Variants in DEGS2 observed in about 807,000 individuals in gnomAD.
DEGS2 encodes the protein sphingolipid delta(4)-desaturase/C4-monooxygenase DES2.
In DEGS2, 19 loss-of-function variants were observed where a neutral mutation model predicts 23.8. The observed-to-expected ratio is 0.80, with a 90% CI of 0.56 to 1.17. The LOEUF (loss-of-function observed/expected upper bound fraction) is 1.17, where lower values mean the gene tolerates loss of function less well. DEGS2 is among the 50% of genes most tolerant of loss of function. The pLI is 0.00. For missense variants in DEGS2, 390 were observed against 459.5 expected (o/e 0.85, Z 1.38); for synonymous variants, 218 against 213.7 (o/e 1.02, Z -0.18).
rs1889396944 is a variant in DEGS2, at chr14:100,144,484, C to T, written c.*2277G>A. On this transcript the variant is annotated 3_prime_UTR_variant, in exon 3 of 3. Coordinates refer to ENST00000305631, the MANE Select transcript of DEGS2 (RefSeq NM_206918.3). ...AGGAAGATGGTCCCTCAAGTGCAAC[C>T]CACACCCCCGAACCTCAGAGGACTC... is the stretch of plus-strand genomic sequence containing the variant. 6.6e-6 allele frequency: 1 copy of T among 152,390 alleles called. No homozygotes were observed. Among genetic ancestry groups the T allele is most frequent in the African/African-American group, 2.4e-5 (1 of 41,474 alleles). The allele number at this position is 152,390 out of a possible 1,614,324, so 9.4% of individuals were successfully genotyped here. A position where few individuals can be genotyped will look rare whatever the true frequency, so the allele number is the denominator to read the frequency against.
rs376613523 is a variant in DEGS2, at chr14:100,149,495, C to G, written c.298G>C (p.Gly100Arg). The G allele has an allele frequency of 6.3e-7, 1 of 1,599,562 alleles. No homozygotes were observed. Among genetic ancestry groups the G allele is most frequent in the Non-Finnish European group, 8.5e-7 (1 of 1,174,504 alleles). The change falls in exon 2 of 3, where the codon GGC becomes CGC. Residue 100 changes from glycine to arginine, a missense_variant. By Grantham distance (125) the Gly-to-Arg change is moderately radical. Transcript: ENST00000305631. Reference protein sequence around the residue: ...DISHNAAFGTGRAARNRWLAV... With the variant: ...DISHNAAFGTRRAARNRWLAV... Reference sequence around the variant, plus strand: ...AGCCAGCGGTTGCGTGCCGCACGGCCCGTGCCGAAGGCCGCGTTGTGCGAG... The same window carrying G: ...AGCCAGCGGTTGCGTGCCGCACGGCGCGTGCCGAAGGCCGCGTTGTGCGAG...
chr14:100,156,164 C>T (rs1467472904), intron 1 of DEGS2, among the ~76,000 whole-genome samples: 1 of 152,252 alleles, frequency 6.6e-6, no homozygotes, highest in East Asian at 1.9e-4. Context: ...CCTGGGCACC[C>T]AGGAGCTTGG....
chr14:100,162,718 C>T (rs975015860), upstream of DEGS2, among the ~76,000 whole-genome samples: 19 of 152,224 alleles, frequency 1.2e-4, no homozygotes, highest in Admixed American at 7.2e-4. Context: ...CCTCCCTCCA[C>T]ACCCCCATTT....
chr14:100,155,779 T>C (rs1001688997), intron 1 of DEGS2: 2 of 152,192 alleles, frequency 1.3e-5, no homozygotes, highest in Non-Finnish European at 2.9e-5. Context: ...CCTCTTTTGT[T>C]TTTCTTTATT....
upstream of DEGS2, among the ~76,000 whole-genome samples, chr14:100,164,633 G>A (rs1005263894): frequency 3.9e-5 from 6 of 152,070 alleles, no homozygotes; most frequent in African/African-American, 7.2e-5. Context: ...GCGAAACTCC[G>A]TCTCAAAAAC....
At chr14:100,162,090 G>A (rs1889755572), upstream of DEGS2, among the ~76,000 whole-genome samples, 1 of 151,728 alleles carries the variant, frequency 6.6e-6, no homozygotes, top group Non-Finnish European at 1.5e-5. Context: ...GCTCACACCT[G>A]TAATCCCAGC....
At chr14:100,157,314 G>A (rs1889673618) in intron 1 of DEGS2, among the ~76,000 whole-genome samples, 1 of 152,244 alleles carries the variant, frequency 6.6e-6, no homozygotes, top group Non-Finnish European at 1.5e-5. Flanking sequence ...CCAGGACACT[G>A]GCTGCCATGT....
rs757428393 is a variant in DEGS2 at position 100,148,959 on chromosome 14, G to A, written c.825+9C>T. On this transcript the variant is annotated intron_variant, in intron 2 of 2. Coordinates refer to ENST00000305631, the MANE Select transcript of DEGS2 (RefSeq NM_206918.3). ...GCCCCGCCGCAGCCCTGCCAGCCCA[G>A]CCACATACCAGCGGCAGGTTGTAGC... 23 of 1,610,044 alleles carry A rather than the reference G, an allele frequency of 1.4e-5. No individual in the cohort carries two copies. Among genetic ancestry groups the A allele is most frequent in the Non-Finnish European group, 1.9e-5 (22 of 1,178,190 alleles).
rs1312924231 is a variant in DEGS2 at position 100,146,416 on chromosome 14, G to A, written c.*345C>T. 2 of 255,526 alleles carry A rather than the reference G, an allele frequency of 7.8e-6. No homozygotes were observed. Among genetic ancestry groups the A allele is most frequent in the Non-Finnish European group, 1.5e-5 (2 of 133,110 alleles). 15.8% of individuals were successfully genotyped at this position (255,526 alleles called of 1,614,324 possible). A position where few individuals can be genotyped will look rare whatever the true frequency, so the allele number is the denominator to read the frequency against. ...CACCCCCTCAGAAGCACAATCCATG[G>A]GCTGTGAAACAAACGCCGGGTTTAA... On this transcript the variant is annotated 3_prime_UTR_variant, in exon 3 of 3. Coordinates refer to ENST00000305631, the MANE Select transcript of DEGS2 (RefSeq NM_206918.3).
rs760079414 is a variant in DEGS2, at chr14:100,146,178, G to A, written c.*583C>T. On this transcript the variant is annotated 3_prime_UTR_variant, in exon 3 of 3. Coordinates refer to ENST00000305631, the MANE Select transcript of DEGS2 (RefSeq NM_206918.3). ...ATTTGGAGCCACACAGATGACCAAA[G>A]TGAGCTTTCTGCTGTCCACACCTCA... 1 of 152,446 alleles carries A rather than the reference G, an allele frequency of 6.6e-6. No individual in the cohort carries two copies. Among genetic ancestry groups the A allele is most frequent in the Non-Finnish European group, 1.5e-5 (1 of 68,188 alleles). The allele number at this position is 152,446 out of a possible 1,614,324, so 9.4% of individuals were successfully genotyped here.
chr14:100,156,922 G>A (rs1889667399), intron 1 of DEGS2, among the ~76,000 whole-genome samples: 1 of 152,218 alleles, frequency 6.6e-6, no homozygotes, highest in African/African-American at 2.4e-5. Context: ...CTTCCGCCCT[G>A]CAGGAAAGGG....
intron 1 of DEGS2, among the ~76,000 whole-genome samples, chr14:100,157,041 C>G (rs1889669189): frequency 6.6e-6 from 1 of 152,222 alleles, no homozygotes; most frequent in Admixed American, 6.5e-5. Context: ...CCACCACCTC[C>G]AGAAAGCCTC....
intron 1 of DEGS2, among the ~76,000 whole-genome samples, chr14:100,158,784 G>A (rs1211430531): frequency 6.6e-6 from 1 of 152,140 alleles, no homozygotes; most frequent in Non-Finnish European, 1.5e-5. Flanking sequence ...GTAAGCCCGG[G>A]CCAAGGACGA....
chr14:100,146,430 C>T lies in DEGS2; in HGVS notation c.*331G>A, dbSNP rs965021056. 7.2e-6 allele frequency: 2 copies of T among 278,536 alleles called. No individual in the cohort carries two copies. The highest frequency in any genetic ancestry group is 9.2e-5 in the East Asian group (1 of 10,894). 17.3% of individuals were successfully genotyped at this position (278,536 alleles called of 1,614,324 possible). The stretch of plus-strand genomic sequence containing the variant: ...CACAATCCATGGGCTGTGAAACAAA[C>T]GCCGGGTTTAATGTAGGGCACAGGC... On this transcript the variant is annotated 3_prime_UTR_variant, in exon 3 of 3. Coordinates refer to ENST00000305631, the MANE Select transcript of DEGS2 (RefSeq NM_206918.3).
At chr14:100,156,974 T>C (rs988384651) in intron 1 of DEGS2, among the ~76,000 whole-genome samples, 1 of 152,158 alleles carries the variant, frequency 6.6e-6, no homozygotes, top group Non-Finnish European at 1.5e-5. Context: ...GGACTTGTGC[T>C]CCCCAAGCCC....
At chr14:100,157,572 C>CG (rs1037394511) in intron 1 of DEGS2, among the ~76,000 whole-genome samples, 13 of 152,184 alleles carry the variant, frequency 8.5e-5, no homozygotes, top group African/African-American at 3.1e-4. Context: ...CCACAGCATA[C>CG]GGGAGGCAGC....
chr14:100,157,107 G>A lies in DEGS2; in HGVS notation c.82+2399C>T, dbSNP rs565121250. On this transcript the variant is annotated intron_variant, in intron 1 of 2. Coordinates refer to ENST00000305631, the MANE Select transcript of DEGS2 (RefSeq NM_206918.3). The stretch of plus-strand genomic sequence containing the variant: ...TCTTTAGAGAGAGCTCCTTCCCCAC[G>A]TCCTGGAGGGCCAGGTACCACCTCG... 2.6e-5 allele frequency among the ~76,000 whole-genome samples: 4 copies of A among 152,198 alleles called. No homozygotes were observed. The East Asian group carries it at 7.7e-4, about 29-fold the overall frequency.
Position 100,148,987 on chromosome 14 carries a change from G to A in DEGS2, c.806C>T (p.Pro269Leu), listed in dbSNP as rs773000763. Residue 269 changes from proline to leucine, a missense_variant, in exon 2 of 3, where the codon CCG becomes CTG. Coordinates refer to ENST00000305631, the MANE Select transcript of DEGS2 (RefSeq NM_206918.3). Reference protein sequence around the residue: ...HVEHHDFPSIPGYNLPLVRKI... With the variant: ...HVEHHDFPSILGYNLPLVRKI... ...ACATACCAGCGGCAGGTTGTAGCCCGGGATGCTGGGGAAGTCGTGGTGCTC... is the reference window on the plus strand; with the variant it reads ...ACATACCAGCGGCAGGTTGTAGCCCAGGATGCTGGGGAAGTCGTGGTGCTC... 31 of 1,612,222 alleles carry A rather than the reference G, an allele frequency of 1.9e-5. No individual in the cohort carries two copies. Among genetic ancestry groups the A allele is most frequent in the South Asian group, 2.2e-5 (2 of 91,070 alleles).
intron 1 of DEGS2, among the ~76,000 whole-genome samples, chr14:100,150,304 C>G (rs1244659543): frequency 6.6e-6 from 1 of 152,136 alleles, no homozygotes; most frequent in East Asian, 1.9e-4. Context: ...CTGCCTCCCT[C>G]TTACCCAGGG....
Sources: allele counts gnomAD v4.1 joint callset (sites outside exome capture counted in the v4.1 genomes callset), GRCh38; gene constraint gnomAD v4.1.1; transcripts MANE v1.5; gene names NCBI Gene and HGNC (gene_info 2026-07-23, HGNC 2026-07-21).